The following SKAP2 variants were observed in gnomAD, a reference collection of about 807,000 sequenced individuals.
SKAP2 encodes the protein src kinase-associated phosphoprotein 2.
In SKAP2, 28 loss-of-function variants were observed where a neutral mutation model predicts 54.9. That is an observed-to-expected ratio of 0.51 (90% CI 0.38 to 0.70). The LOEUF is 0.70. SKAP2 is among the 30% of genes least tolerant of loss of function. The pLI is 0.00. For synonymous variants in SKAP2, 137 were observed against 134.3 expected (o/e 1.02, Z -0.14); for missense variants, 356 against 424.1 (o/e 0.84, Z 1.41).
intron 9 of SKAP2, among the ~76,000 whole-genome samples, chr7:26,706,135 T>G (rs1787150659): frequency 6.6e-6 from 1 of 152,210 alleles, no homozygotes; most frequent in African/African-American, 2.4e-5. Context: ...ACTGTCTCCA[T>G]AACTCATTCA....
chr7:26,853,073 G>GA lies in SKAP2; in HGVS notation c.199+1063dup, dbSNP rs576525611. On this transcript the variant is annotated intron_variant, in intron 3 of 12. Coordinates refer to ENST00000345317, the MANE Select transcript of SKAP2 (RefSeq NM_003930.5). ...ATTTAAGTGTTAAAAATCTTAATAT[G>GA]AAAAAAAAATCTCTTCTCATTCCCT... Among the ~76,000 whole-genome samples the GA allele has an allele frequency of 7.4e-4, 112 of 151,258 alleles. 2 individuals carry two copies. In the South Asian group the frequency reaches 0.02, roughly 28 times the overall value.
chr7:26,802,518 G>A (rs918749297), intron 4 of SKAP2, among the ~76,000 whole-genome samples: 32 of 152,040 alleles, frequency 2.1e-4, no homozygotes, highest in Admixed American at 1.3e-4. Context: ...TGATCTGCCC[G>A]CCTCAGCCTC....
At chr7:26,767,426 C>T (rs1259463526) in intron 4 of SKAP2, among the ~76,000 whole-genome samples, 2 of 152,100 alleles carry the variant, frequency 1.3e-5, no homozygotes, top group Non-Finnish European at 2.9e-5. Context: ...TTCCTGAATT[C>T]ATTGATTTTT....
rs1206932846 is a variant in SKAP2 at position 26,819,418 on chromosome 7, G to C, written c.307+24612C>G. Among the ~76,000 whole-genome samples, 4 of 152,162 alleles carry C rather than the reference G, an allele frequency of 2.6e-5. No homozygotes were observed. The South Asian group carries it at 8.3e-4, about 32-fold the overall frequency. Reference sequence around the variant, plus strand: ...AACATCACACACCTGCACCTGTCGGGGGGTGGGGGCTAGGGGAGGGATAGA... The same window carrying C: ...AACATCACACACCTGCACCTGTCGGCGGGTGGGGGCTAGGGGAGGGATAGA... On this transcript the variant is annotated intron_variant, in intron 4 of 12. Transcript: ENST00000345317.
chr7:26,822,671 C>A (rs1192186822), intron 4 of SKAP2, among the ~76,000 whole-genome samples: 2 of 150,876 alleles, frequency 1.3e-5, no homozygotes, highest in Non-Finnish European at 3.0e-5. Flanking sequence ...GTCAGGAGAT[C>A]GAGACCATCC....
rs1289123676 is a variant in SKAP2 at position 26,846,729 on chromosome 7, C to T, written c.200-2592G>A. ...GGTGCGGTGGCTCACGCCTGTAATC[C>T]CAGCACTGTGGGAGGCCAAGGCAGG... On this transcript the variant is annotated intron_variant, in intron 3 of 12. Transcript: ENST00000345317. Among the ~76,000 whole-genome samples the T allele has an allele frequency of 3.9e-5, 6 of 152,062 alleles. No individual in the cohort carries two copies. The East Asian group carries it at 1.2e-3, about 29-fold the overall frequency.
At chr7:26,675,721 T>C (rs1786336395) in intron 11 of SKAP2, among the ~76,000 whole-genome samples, 1 of 152,210 alleles carries the variant, frequency 6.6e-6, no homozygotes, top group Admixed American at 6.5e-5. Context: ...TAAAGAATTG[T>C]AGTAGTGACG....
chr7:26,701,703 C>T lies in SKAP2; in HGVS notation c.797-11341G>A, dbSNP rs141357079. Reference sequence around the variant, plus strand: ...TTGCCCCACTGCACTCTGGCCTGGGCGACAGAACAAGACTTCGTCTCAAAA... The same window carrying T: ...TTGCCCCACTGCACTCTGGCCTGGGTGACAGAACAAGACTTCGTCTCAAAA... On this transcript the variant is annotated intron_variant, in intron 9 of 12. Transcript: ENST00000345317. Among the ~76,000 whole-genome samples, 935 of 151,312 alleles carry T rather than the reference C, an allele frequency of 6.2e-3. 12 individuals carry two copies. The highest frequency in any genetic ancestry group is 0.021 in the African/African-American group (878 of 41,118).
At chr7:26,845,702 C>G (rs559781593) in intron 3 of SKAP2, among the ~76,000 whole-genome samples, 1 of 152,236 alleles carries the variant, frequency 6.6e-6, no homozygotes, top group South Asian at 2.1e-4. Flanking sequence ...ATGCTTGAGG[C>G]CAGAAGATCG....
intron 4 of SKAP2, among the ~76,000 whole-genome samples, chr7:26,760,047 TAA>T (rs576336261): frequency 2.6e-5 from 4 of 152,160 alleles, no homozygotes; most frequent in Non-Finnish European, 5.9e-5. Flanking sequence ...AAACATATGT[TAA>T]AGATATAAAA....
intron 4 of SKAP2, among the ~76,000 whole-genome samples, chr7:26,787,145 T>G (rs1783564383): frequency 6.6e-6 from 1 of 152,224 alleles, no homozygotes. Flanking sequence ...AATTTTGCTC[T>G]TATTCACAGC....
At chr7:26,806,876 T>A (rs1172191267) in intron 4 of SKAP2, among the ~76,000 whole-genome samples, 2 of 151,978 alleles carry the variant, frequency 1.3e-5, no homozygotes, top group African/African-American at 4.8e-5. Flanking sequence ...GTTCATGAGG[T>A]TTAAGGAAAG....
At chr7:26,856,300 A>G (rs1785161291) in intron 1 of SKAP2, among the ~76,000 whole-genome samples, 1 of 152,222 alleles carries the variant, frequency 6.6e-6, no homozygotes, top group Non-Finnish European at 1.5e-5. Context: ...TCCTTGAGTT[A>G]TATTAACAAC....
At chr7:26,793,140 T>C (rs1362151961) in intron 4 of SKAP2, among the ~76,000 whole-genome samples, 1 of 152,224 alleles carries the variant, frequency 6.6e-6, no homozygotes, top group Non-Finnish European at 1.5e-5. Flanking sequence ...GTTTCTAGGC[T>C]AATGCTTCCC....
At chr7:26,836,979 T>C (rs1784727696) in intron 4 of SKAP2, among the ~76,000 whole-genome samples, 1 of 152,184 alleles carries the variant, frequency 6.6e-6, no homozygotes, top group East Asian at 1.9e-4. Context: ...ATGTGGCACA[T>C]ATACACCATG....
chr7:26,840,090 A>C (rs1784790325), intron 4 of SKAP2, among the ~76,000 whole-genome samples: 1 of 152,188 alleles, frequency 6.6e-6, no homozygotes, highest in Non-Finnish European at 1.5e-5. Flanking sequence ...ATTTCTTCAC[A>C]CAAACCTGTG....
chr7:26,664,425 A>G (rs1006898911), downstream of SKAP2, among the ~76,000 whole-genome samples: 1 of 152,068 alleles, frequency 6.6e-6, no homozygotes, highest in Non-Finnish European at 1.5e-5. Flanking sequence ...CTCCCATGGG[A>G]GCTGGGAGGG....
At chr7:26,726,519 A>G (rs979191149) in intron 7 of SKAP2, among the ~76,000 whole-genome samples, 4 of 152,102 alleles carry the variant, frequency 2.6e-5, no homozygotes, top group South Asian at 2.1e-4. Flanking sequence ...TACAATATGT[A>G]TTATCACTCT....
At chr7:26,749,517 G>C (rs2127965749) in intron 4 of SKAP2, among the ~76,000 whole-genome samples, 1 of 152,092 alleles carries the variant, frequency 6.6e-6, no homozygotes, top group South Asian at 2.1e-4. Context: ...GGGAGGCTGA[G>C]GCAGAAGGAT....
Sources: allele counts gnomAD v4.1 joint callset (sites outside exome capture counted in the v4.1 genomes callset), GRCh38; gene constraint gnomAD v4.1.1; transcripts MANE v1.5; gene names NCBI Gene and HGNC (gene_info 2026-07-23, HGNC 2026-07-21).